NAV3: variants seen among roughly 807,000 people sequenced by gnomAD.
NAV3 encodes the protein pore membrane and/or filament interacting like protein 1.
A neutral mutation model predicts 244.7 loss-of-function variants in NAV3; 87 were observed. The ratio of observed to expected loss-of-function variants is 0.36; its 90% CI spans 0.30 to 0.42. The LOEUF (loss-of-function observed/expected upper bound fraction) is 0.42, where lower values mean the gene tolerates loss of function less well. Among genes scored for constraint, NAV3 ranks in the 20% least tolerant of loss-of-function variants. The probability of loss-of-function intolerance (pLI) is 1.00; values close to 1 mark genes in which losing one functional copy is unlikely to be tolerated. For missense variants in NAV3, 2,663 were observed against 2,893.3 expected (o/e 0.92, Z 1.83); for synonymous variants, 1,126 against 1,042.2 (o/e 1.08, Z -1.55).
chr12:77,573,774 G>A (rs1714313427), intron 2 of NAV3, among the ~76,000 whole-genome samples: 1 of 152,076 alleles, frequency 6.6e-6, no homozygotes, highest in South Asian at 2.1e-4. Flanking sequence ...TTAATTACAG[G>A]GTTATAATTT....
chr12:77,933,214 T>C (rs1346064122), intron 1 of NAV3, among the ~76,000 whole-genome samples: 1 of 152,140 alleles, frequency 6.6e-6, no homozygotes, highest in Non-Finnish European at 1.5e-5. Context: ...TCACTATCTG[T>C]AGTGTATAGA....
intron 14 of NAV3, among the ~76,000 whole-genome samples, chr12:78,119,023 TTA>T (rs1955547024): frequency 6.6e-6 from 1 of 152,222 alleles, no homozygotes; most frequent in Admixed American, 6.5e-5. Flanking sequence ...TGTTTTCATT[TTA>T]TCTCTTCCAT....
At chr12:78,073,571 C>T (rs1417383578) in intron 12 of NAV3, among the ~76,000 whole-genome samples, 2 of 152,076 alleles carry the variant, frequency 1.3e-5, no homozygotes, top group South Asian at 2.1e-4. Flanking sequence ...ATTCCATGCT[C>T]ATGGGTAGGA....
intron 9 of NAV3, among the ~76,000 whole-genome samples, chr12:78,028,293 G>A (rs1878418698): frequency 6.6e-6 from 1 of 152,166 alleles, no homozygotes; most frequent in Admixed American, 6.5e-5. Context: ...ACTGGCAATT[G>A]AAGGAAACTA....
chr12:77,966,385 A>C (rs1892515659), intron 4 of NAV3, 84 bp downstream of exon 4: 1 of 1,122,108 alleles, frequency 8.9e-7, no homozygotes, highest in Non-Finnish European at 1.3e-6. Context: ...GTAACATTGG[A>C]GTATACGTCT....
At chr12:78,033,840 G>A (rs919515166) in intron 9 of NAV3, among the ~76,000 whole-genome samples, 1 of 152,068 alleles carries the variant, frequency 6.6e-6, no homozygotes, top group African/African-American at 2.4e-5. Context: ...TCTGACAAAT[G>A]AAATACAAGT....
At chr12:77,977,241 T>C (rs775123469) in intron 5 of NAV3, among the ~76,000 whole-genome samples, 1 of 152,008 alleles carries the variant, frequency 6.6e-6, no homozygotes, top group Non-Finnish European at 1.5e-5. Context: ...GATAACTTGA[T>C]TGGAATCTGT....
intron 16 of NAV3, among the ~76,000 whole-genome samples, chr12:78,124,297 A>G (rs1405022862): frequency 1.3e-5 from 2 of 152,210 alleles, no homozygotes; most frequent in African/African-American, 4.8e-5. Context: ...CAGTTTTAAT[A>G]TTTTACTCTA....
chr12:77,721,739 A>G (rs1039147025), intron 2 of NAV3, among the ~76,000 whole-genome samples: 1 of 152,138 alleles, frequency 6.6e-6, no homozygotes, highest in Admixed American at 6.6e-5. Flanking sequence ...TTTGGAAAGT[A>G]CTCTATGGGA....
intron 2 of NAV3, among the ~76,000 whole-genome samples, chr12:77,598,663 C>T (rs1289986187): frequency 1.3e-5 from 2 of 151,832 alleles, no homozygotes; most frequent in Admixed American, 6.6e-5. Flanking sequence ...CCCGGGAAAC[C>T]ATTACCAGAA....
intron 22 of NAV3, among the ~76,000 whole-genome samples, chr12:78,154,815 T>C (rs1471828273): frequency 1.3e-5 from 2 of 152,052 alleles, no homozygotes; most frequent in Non-Finnish European, 1.5e-5. Flanking sequence ...CAAGATGTGA[T>C]ACCCTATAAG....
intron 12 of NAV3, chr12:78,091,444 C>A (rs1953927104): frequency 6.6e-6 from 1 of 152,104 alleles, no homozygotes; most frequent in Admixed American, 6.5e-5. Context: ...GCTCAATTGA[C>A]CAATAATTTA....
At chr12:78,115,217 A>G (rs548815284) in intron 12 of NAV3, among the ~76,000 whole-genome samples, 5 of 152,204 alleles carry the variant, frequency 3.3e-5, no homozygotes, top group Non-Finnish European at 7.3e-5. Context: ...TGTCCATTTT[A>G]TGAGACTTAG....
chr12:77,738,822 A>C (rs755540921), intron 2 of NAV3, among the ~76,000 whole-genome samples: 8 of 152,080 alleles, frequency 5.3e-5, no homozygotes, highest in Admixed American at 6.5e-5. Flanking sequence ...CATCCTGGCT[A>C]ACACGGTGAA....
rs552691384 is a variant in NAV3, at chr12:77,721,191, C to T, written c.72+148925C>T. Among the ~76,000 whole-genome samples, 12 of 152,088 alleles carry T rather than the reference C, an allele frequency of 7.9e-5. No individual in the cohort carries two copies. In the East Asian group the frequency reaches 1.4e-3, roughly 17 times the overall value. ...TTCATTTATGAAGTGTGGATATTGT[C>T]GAATATTCATCTGGACCTTTGTAAG... On this transcript the variant is annotated intron_variant, in intron 2 of 8. Transcript: ENST00000550042.
chr12:78,040,156 T>C (rs1156788014), intron 9 of NAV3, among the ~76,000 whole-genome samples: 1 of 152,182 alleles, frequency 6.6e-6, no homozygotes, highest in Non-Finnish European at 1.5e-5. Context: ...CTTAGGGGGT[T>C]TGTAAGTACA....
chr12:78,091,685 A>T (rs368409538), intron 12 of NAV3: 16 of 148,978 alleles, frequency 1.1e-4, no homozygotes, highest in East Asian at 7.9e-4. Flanking sequence ...AGTCCCAGCT[A>T]CTTGGGAGGC....
chr12:78,145,493 A>G (rs557784668), intron 20 of NAV3, among the ~76,000 whole-genome samples: 25 of 152,342 alleles, frequency 1.6e-4, no homozygotes, highest in Admixed American at 1.3e-3. Flanking sequence ...GGATCTGCTT[A>G]TGGCAATAAG....
At chr12:77,680,052 AC>A (rs1289661987) in intron 2 of NAV3, among the ~76,000 whole-genome samples, 1 of 152,156 alleles carries the variant, frequency 6.6e-6, no homozygotes, top group East Asian at 1.9e-4. Flanking sequence ...TGAAAGGGAA[AC>A]TTTTGAACAA....
Sources: allele counts gnomAD v4.1 joint callset (sites outside exome capture counted in the v4.1 genomes callset), GRCh38; gene constraint gnomAD v4.1.1; transcripts MANE v1.5; gene names NCBI Gene and HGNC (gene_info 2026-07-23, HGNC 2026-07-21).